Variants in MEI1 observed in about 807,000 individuals in gnomAD.
The protein encoded by MEI1 is meiosis inhibitor protein 1.
Under a neutral mutation model 146.2 loss-of-function variants are expected in MEI1, and 103 were observed. The ratio of observed to expected loss-of-function variants is 0.70; its 90% confidence interval spans 0.60 to 0.83. The LOEUF is 0.83. Among genes scored for constraint, MEI1 ranks in the 40% least tolerant of loss-of-function variants. MEI1 has a pLI of 0.00. For missense variants in MEI1, 1,529 were observed against 1,533.0 expected (o/e 1.00, Z 0.04); for synonymous variants, 652 against 628.2 (o/e 1.04, Z -0.57).
At chr22:41,733,263 C>T (rs527264507) in intron 11 of MEI1, among the ~76,000 whole-genome samples, 9 of 151,614 alleles carry the variant, frequency 5.9e-5, no homozygotes, top group Admixed American at 2.6e-4. Context: ...CCAGCCTGGG[C>T]AACACAACAG....
chr22:41,776,490 G>A (rs2075442093), intron 21 of MEI1, among the ~76,000 whole-genome samples: 1 of 152,262 alleles, frequency 6.6e-6, no homozygotes, highest in Non-Finnish European at 1.5e-5. Context: ...ATGAGTGGAT[G>A]TGTTTGATGT....
rs757999802 is a variant in MEI1 at position 41,724,006 on chromosome 22, T to C, written c.797T>C (p.Leu266Pro). The change falls in exon 7 of 31, where the codon CTG becomes CCG. Residue 266 changes from leucine to proline, a missense_variant. Around this residue, in one of 3 missense-constraint regions of MEI1, gnomAD observed 1,212 missense variants for 1,178.9 expected, o/e 1.03. Coordinates refer to ENST00000401548, the MANE Select transcript of MEI1 (RefSeq NM_152513.4). Reference protein sequence around the residue: ...FVSMIMNQDGLGESAKNIEGS... With the variant: ...FVSMIMNQDGPGESAKNIEGS... ...TCCATGATCATGAACCAGGATGGAC[T>C]GGGAGAAAGTGCTAAGAATATCGAA... The C allele has an allele frequency of 1.1e-5, 18 of 1,613,516 alleles. No individual in the cohort carries two copies. Among genetic ancestry groups the C allele is most frequent in the Non-Finnish European group, 1.5e-5 (18 of 1,179,718 alleles).
intron 1 of MEI1, 143 bp from the exon 2 acceptor site, chr22:41,703,188 C>A: frequency 1.2e-6 from 1 of 839,582 alleles, no homozygotes; most frequent in South Asian, 1.7e-5. Flanking sequence ...CCTTTTCCAA[C>A]CTCCCTTGAA....
intron 26 of MEI1, among the ~76,000 whole-genome samples, chr22:41,788,719 G>T (rs1161210879): frequency 6.6e-6 from 1 of 152,174 alleles, no homozygotes; most frequent in East Asian, 1.9e-4. Flanking sequence ...GGGATTACAG[G>T]TGTGAGCCAA....
intron 20 of MEI1, chr22:41,774,274 C>T (rs2075332045): frequency 6.6e-6 from 1 of 152,264 alleles, no homozygotes; most frequent in Admixed American, 6.5e-5. Context: ...TCCTCTTCCT[C>T]CAGCATTCAC....
At chr22:41,721,719 C>A (rs1398382485) in intron 6 of MEI1, among the ~76,000 whole-genome samples, 1 of 102,212 alleles carries the variant, frequency 9.8e-6, no homozygotes. Flanking sequence ...AATGCTACCC[C>A]TTTTTTTTTT....
At chr22:41,708,624 G>C (rs1380585261) in intron 3 of MEI1, among the ~76,000 whole-genome samples, 1 of 152,200 alleles carries the variant, frequency 6.6e-6, no homozygotes, top group African/African-American at 2.4e-5. Flanking sequence ...TAGAGTGAGG[G>C]TTGACATTTC....
chr22:41,723,967 A>G lies in MEI1; in HGVS notation c.758A>G (p.Tyr253Cys). 1.2e-6 allele frequency: 2 copies of G among 1,608,184 alleles called. No homozygotes were observed. The highest frequency in any genetic ancestry group is 1.7e-6 in the Non-Finnish European group (2 of 1,177,238). The change falls in exon 7 of 31, where the codon TAT becomes TGT. Residue 253 changes from tyrosine to cysteine, a missense_variant. By Grantham distance (194) the Tyr-to-Cys change is radical. Coordinates refer to ENST00000401548, the MANE Select transcript of MEI1 (RefSeq NM_152513.4). ...CLGLLRQLLKYDLFVSMIMNQ... is the reference protein window; with the variant it reads ...CLGLLRQLLKCDLFVSMIMNQ... ...GGTTTGCTGAGGCAGCTGTTGAAGT[A>G]TGATCTCTTTGTGTCCATGATCATG...
At chr22:41,701,579 G>C (rs976936133) in intron 1 of MEI1, among the ~76,000 whole-genome samples, 2 of 152,172 alleles carry the variant, frequency 1.3e-5, no homozygotes, top group Non-Finnish European at 2.9e-5. Flanking sequence ...CTGGGAACTC[G>C]TAAACTAGCT....
chr22:41,789,435 A>G (rs1207901559), intron 26 of MEI1, among the ~76,000 whole-genome samples: 1 of 152,196 alleles, frequency 6.6e-6, no homozygotes, highest in Non-Finnish European at 1.5e-5. Flanking sequence ...AAGTGCTAGG[A>G]TTACAGGTGT....
At chr22:41,713,866 T>C in intron 3 of MEI1, 136 bp from the exon 4 acceptor site, 1 of 698,288 alleles carries the variant, frequency 1.4e-6, no homozygotes, top group Non-Finnish European at 2.4e-6. Flanking sequence ...CATAGTTAAA[T>C]GGAAGAAATA....
chr22:41,700,776 G>A (rs1393491636), intron 1 of MEI1, among the ~76,000 whole-genome samples: 1 of 68,210 alleles, frequency 1.5e-5, no homozygotes, highest in East Asian at 3.0e-4. Flanking sequence ...TTTTTTTTTT[G>A]TAGAAACGGT....
At chr22:41,708,323 T>C (rs1485823114) in intron 3 of MEI1, among the ~76,000 whole-genome samples, 2 of 152,196 alleles carry the variant, frequency 1.3e-5, no homozygotes, top group Admixed American at 6.5e-5. Flanking sequence ...TATGTATCCT[T>C]TGCCTTCAAC....
At chr22:41,767,644 T>G (rs773839410) in intron 19 of MEI1, 1 of 453,522 alleles carries the variant, frequency 2.2e-6, no homozygotes, top group Non-Finnish European at 4.5e-6. Flanking sequence ...TGATTTTTTA[T>G]TTGCTTCTCA....
At position 41,703,447 on chromosome 22, in the gene MEI1, GC is replaced by G; in HGVS notation, c.292del (p.Leu98PhefsTer13). On this transcript the variant is annotated frameshift_variant, in exon 2 of 31. Transcript: ENST00000401548. LOFTEE classifies it high-confidence loss of function. ...QRVCIHFISV[L>X]FGLLCSMEDG... ...GAGTCTGCATCCACTTCATAAGTGT[GC>G]TTTTTGGTAAGATTAAGAGGGAAAT... The G allele has an allele frequency of 3.8e-6, 6 of 1,577,242 alleles. No homozygotes were observed. Among genetic ancestry groups the G allele is most frequent in the Non-Finnish European group, 5.2e-6 (6 of 1,160,748 alleles).
At chr22:41,787,318 C>G (rs1022941515) in intron 26 of MEI1, among the ~76,000 whole-genome samples, 2 of 151,918 alleles carry the variant, frequency 1.3e-5, no homozygotes, top group Non-Finnish European at 2.9e-5. Context: ...TTCAAACATA[C>G]AGCAATGAGA....
chr22:41,712,195 A>G (rs1287441920), intron 3 of MEI1, among the ~76,000 whole-genome samples: 1 of 134,470 alleles, frequency 7.4e-6, no homozygotes, highest in Non-Finnish European at 1.6e-5. Context: ...CAAGAGTAAA[A>G]CTCCGGCTCA....
chr22:41,717,836 G>A (rs963494798), intron 5 of MEI1, among the ~76,000 whole-genome samples: 1 of 151,820 alleles, frequency 6.6e-6, no homozygotes, highest in African/African-American at 2.4e-5. Context: ...GGCTGGTCTC[G>A]AACTCCTGAC....
At chr22:41,766,416 C>T (rs926993300) in intron 19 of MEI1, among the ~76,000 whole-genome samples, 6 of 151,956 alleles carry the variant, frequency 3.9e-5, no homozygotes, top group African/African-American at 1.5e-4. Flanking sequence ...CTGATCCACC[C>T]GCCTCAGCCT....
Sources: gnomAD v4.1 joint callset for allele counts (sites outside exome capture counted in the v4.1 genomes callset) on GRCh38, gnomAD v4.1.1 for gene constraint, gnomAD v4.1.1 regional missense constraint, MANE v1.5 for transcripts, NCBI Gene and HGNC (gene_info 2026-07-23, HGNC 2026-07-21) for gene names.